Variants in DOCK9 observed in about 807,000 individuals in gnomAD.
The protein encoded by DOCK9 is dedicator of cytokinesis 9, also known as dedicator of cytokinesis protein 9.
In DOCK9, 89 loss-of-function variants were observed where a neutral mutation model predicts 263.3. The observed-to-expected ratio is 0.34, with a 90% CI of 0.28 to 0.40. The LOEUF (loss-of-function observed/expected upper bound fraction) is 0.40. Ranked by LOEUF, DOCK9 falls within the 10% of genes least tolerant of loss-of-function variation. The pLI, the probability that DOCK9 is intolerant of heterozygous loss-of-function variation, is 1.00. For synonymous variants in DOCK9, 976 were observed against 973.1 expected (o/e 1.00, Z -0.06); for missense variants, 2,140 against 2,603.4 (o/e 0.82, Z 3.87).
At chr13:98,930,531 C>T (rs1445728631) in intron 2 of DOCK9, among the ~76,000 whole-genome samples, 5 of 152,244 alleles carry the variant, frequency 3.3e-5, no homozygotes, top group African/African-American at 9.6e-5. Context: ...GTAGAGGCCC[C>T]GTTCAAAGTC....
At chr13:99,082,444 G>C (rs1020061090) in intron 1 of DOCK9, among the ~76,000 whole-genome samples, 1 of 151,632 alleles carries the variant, frequency 6.6e-6, no homozygotes, top group Non-Finnish European at 1.5e-5. Flanking sequence ...ACTTGAACCC[G>C]GGAAGCGGAG....
At chr13:99,076,815 A>C (rs2142425989) in intron 1 of DOCK9, among the ~76,000 whole-genome samples, 1 of 152,346 alleles carries the variant, frequency 6.6e-6, no homozygotes, top group South Asian at 2.1e-4. Flanking sequence ...ACGGTGAACC[A>C]ACAGTCCAGG....
At chr13:98,939,418 C>T (rs1489184035) in intron 2 of DOCK9, among the ~76,000 whole-genome samples, 2 of 152,192 alleles carry the variant, frequency 1.3e-5, no homozygotes, top group Non-Finnish European at 2.9e-5. Context: ...CATCAATCCT[C>T]TCTCCCCTCT....
rs1479062238 is a variant in DOCK9 at position 98,825,453 on chromosome 13, G to T, written c.5024-949C>A. 6.6e-6 allele frequency among the ~76,000 whole-genome samples: 1 copy of T among 152,148 alleles called. No individual in the cohort carries two copies. Among genetic ancestry groups the T allele is most frequent in the Non-Finnish European group, 1.5e-5 (1 of 68,018 alleles). On this transcript the variant is annotated intron_variant, in intron 44 of 52. Transcript: ENST00000682017. The surrounding 1 kb of genome is among the most constrained non-coding windows in gnomAD (Gnocchi z 4.1). ...AGATCCTGAAGTCAGAGATTTTTCT[G>T]CTGCACATGATCCCAGGTTTCTACA...
At chr13:99,039,909 C>T (rs1316230537) in intron 1 of DOCK9, among the ~76,000 whole-genome samples, 1 of 152,192 alleles carries the variant, frequency 6.6e-6, no homozygotes, top group African/African-American at 2.4e-5. Context: ...TACTTAACTC[C>T]TCTAAGACTC....
At chr13:98,941,631 C>A (rs192682988) in intron 2 of DOCK9, among the ~76,000 whole-genome samples, 4 of 152,286 alleles carry the variant, frequency 2.6e-5, no homozygotes, top group Admixed American at 2.6e-4. Context: ...CTAAGTACTA[C>A]TGCACAGCTG....
At chr13:98,927,675 C>T (rs965021216) in intron 3 of DOCK9, among the ~76,000 whole-genome samples, 2 of 151,556 alleles carry the variant, frequency 1.3e-5, no homozygotes, top group Non-Finnish European at 2.9e-5. Flanking sequence ...GGCTGGAGTG[C>T]AGTGGTGCAA....
intron 15 of DOCK9, among the ~76,000 whole-genome samples, chr13:98,893,507 C>T (rs553166887): frequency 1.3e-5 from 2 of 152,174 alleles, no homozygotes; most frequent in African/African-American, 2.4e-5. Flanking sequence ...CGGACAGAAT[C>T]GCTTTCTTAC....
intron 18 of DOCK9, 71 bp downstream of exon 18, chr13:98,888,087 A>C: frequency 5.1e-6 from 5 of 988,762 alleles, no homozygotes; most frequent in Non-Finnish European, 7.6e-6. Flanking sequence ...GTTGTACGGT[A>C]TCATGAAAGT....
At chr13:99,074,802 A>T (rs1241794683) in intron 1 of DOCK9, among the ~76,000 whole-genome samples, 1 of 152,210 alleles carries the variant, frequency 6.6e-6, no homozygotes, top group Non-Finnish European at 1.5e-5. Context: ...GCTTGGCCCA[A>T]ATAAACTCTC....
intron 2 of DOCK9, among the ~76,000 whole-genome samples, chr13:98,932,404 CAACA>C (rs147642560): frequency 0.63 from 95,430 of 150,652 alleles, 30,853 homozygotes; most frequent in Middle Eastern, 0.75. Context: ...CAAAAAACAA[CAACA>C]AACAAACAAA....
intron 2 of DOCK9, among the ~76,000 whole-genome samples, chr13:98,942,440 G>A (rs1268276707): frequency 2.0e-5 from 3 of 151,976 alleles, no homozygotes; most frequent in African/African-American, 2.4e-5. Flanking sequence ...GGGTTTTGCC[G>A]TGTTAGCCAG....
At chr13:99,047,038 A>T (rs1456035721) in intron 1 of DOCK9, among the ~76,000 whole-genome samples, 1 of 152,098 alleles carries the variant, frequency 6.6e-6, no homozygotes, top group Non-Finnish European at 1.5e-5. Flanking sequence ...TATTTAAAAC[A>T]CGGCCAAACA....
intron 1 of DOCK9, among the ~76,000 whole-genome samples, chr13:99,080,201 C>T (rs1052477546): frequency 3.3e-5 from 5 of 152,126 alleles, no homozygotes; most frequent in African/African-American, 9.7e-5. Context: ...ATTTGTAACA[C>T]CATTTACTGA....
At chr13:98,845,624 T>C (rs893990177) in intron 38 of DOCK9, among the ~76,000 whole-genome samples, 2 of 152,192 alleles carry the variant, frequency 1.3e-5, no homozygotes, top group African/African-American at 4.8e-5. Flanking sequence ...CCAAATTTTA[T>C]GTTTAGAATT....
chr13:98,937,663 G>C (rs2055105538), intron 2 of DOCK9, among the ~76,000 whole-genome samples: 1 of 151,042 alleles, frequency 6.6e-6, no homozygotes, highest in South Asian at 2.1e-4. Context: ...AGGATGCACA[G>C]ATACCTGAGA....
At chr13:99,023,286 G>T (rs1353238645) in intron 1 of DOCK9, among the ~76,000 whole-genome samples, 1 of 152,152 alleles carries the variant, frequency 6.6e-6, no homozygotes, top group Non-Finnish European at 1.5e-5. Context: ...CACACACAAT[G>T]GAATACTATT....
intron 1 of DOCK9, among the ~76,000 whole-genome samples, chr13:99,028,862 A>G (rs1227143153): frequency 1.3e-5 from 2 of 152,222 alleles, no homozygotes; most frequent in Non-Finnish European, 2.9e-5. Context: ...GTGGAAGTTA[A>G]AATATGTTTA....
chr13:98,886,842 AC>A (rs1190188767), intron 18 of DOCK9, among the ~76,000 whole-genome samples: 1 of 152,014 alleles, frequency 6.6e-6, no homozygotes, highest in East Asian at 1.9e-4. Flanking sequence ...CTTCCAGGTC[AC>A]AGCCCTGGAT....
Sources: allele counts gnomAD v4.1 joint callset (sites outside exome capture counted in the v4.1 genomes callset), GRCh38; gene constraint gnomAD v4.1.1; non-coding constraint Gnocchi (gnomAD v3.1); transcripts MANE v1.5; gene names NCBI Gene and HGNC (gene_info 2026-07-23, HGNC 2026-07-21).